The following THRAP3 variants were observed in gnomAD, a reference collection of about 807,000 sequenced individuals.
The protein encoded by THRAP3 is thyroid hormone receptor-associated protein 3.
THRAP3 carries 16 observed loss-of-function variants against 101.0 expected under a neutral mutation model. The observed-to-expected ratio is 0.16, with a 90% CI of 0.11 to 0.24. The LOEUF (loss-of-function observed/expected upper bound fraction) is 0.24. Ranked by LOEUF, THRAP3 falls within the 10% of genes least tolerant of loss-of-function variation. The probability of loss-of-function intolerance (pLI) is 1.00; values close to 1 mark genes in which losing one functional copy is unlikely to be tolerated. For missense variants in THRAP3, 989 were observed against 1,202.7 expected (o/e 0.82, Z 2.63); for synonymous variants, 407 against 422.6 (o/e 0.96, Z 0.45).
chr1:36,215,898 T>A, the THRAP3 span, among the ~76,000 whole-genome samples: 6 of 151,930 alleles, frequency 3.9e-5, no homozygotes, highest in Admixed American at 6.6e-5. Context: ...TACAGGTGTG[T>A]GCCATCACGC....
chr1:36,295,724 T>C (rs1645940594), intron 8 of THRAP3, among the ~76,000 whole-genome samples: 1 of 152,074 alleles, frequency 6.6e-6, no homozygotes, highest in Non-Finnish European at 1.5e-5. Flanking sequence ...GTTTTTGATA[T>C]TCCCTTTCTA....
chr1:36,292,252 G>GTTTTTTTT (rs1557453511), intron 6 of THRAP3, among the ~76,000 whole-genome samples: 15 of 57,484 alleles, frequency 2.6e-4, no homozygotes, highest in Non-Finnish European at 3.3e-4. Flanking sequence ...AACATAATGT[G>GTTTTTTTT]TTTCTTTGTT....
chr1:36,245,469 C>G (rs901221556), intron 1 of THRAP3, among the ~76,000 whole-genome samples: 2 of 152,124 alleles, frequency 1.3e-5, no homozygotes, highest in Non-Finnish European at 2.9e-5. Flanking sequence ...ACGCCTGGGT[C>G]CTTTCCCCAA....
chr1:36,246,785 T>C (rs1241476257), intron 1 of THRAP3, among the ~76,000 whole-genome samples: 7 of 151,524 alleles, frequency 4.6e-5, no homozygotes, highest in Non-Finnish European at 8.8e-5. Context: ...GAGCTTGCAG[T>C]GAGTGGAGAT....
chr1:36,239,302 C>T (rs114543790), intron 1 of THRAP3, among the ~76,000 whole-genome samples: 1,433 of 129,908 alleles, frequency 0.011, 20 homozygotes, highest in African/African-American at 0.038. Context: ...CTCTATTACC[C>T]GGGCTGGAGT....
In THRAP3 at chr1:36,282,172, T is replaced by C. The variant is rs1484974074; in HGVS notation, c.-31-361T>C. 2.0e-5 allele frequency among the ~76,000 whole-genome samples: 3 copies of C among 151,874 alleles called. No homozygotes were observed. The South Asian group carries it at 6.2e-4, about 32-fold the overall frequency. On this transcript the variant is annotated intron_variant, in intron 2 of 11. Coordinates refer to ENST00000354618, the MANE Select transcript of THRAP3 (RefSeq NM_005119.4). ...ACCTGGACTTAAGCAGTCCTCCTCC[T>C]ACCTTGGCCTCCCAGTGCACTGGGA...
intron 2 of THRAP3, 97 bp downstream of exon 2, chr1:36,259,581 A>T (rs1249982294): frequency 1.0e-5 from 4 of 391,838 alleles, no homozygotes; most frequent in African/African-American, 2.1e-5. Context: ...CCTATGCAAC[A>T]TGGTGAGATC....
At chr1:36,261,394 A>G (rs1440732348) in intron 2 of THRAP3, among the ~76,000 whole-genome samples, 2 of 152,044 alleles carry the variant, frequency 1.3e-5, no homozygotes, top group Admixed American at 6.6e-5. Flanking sequence ...CTAGCCAGGC[A>G]CGGTGGTGGG....
chr1:36,262,959 A>ATTTTTTTTTTTTTTTT (rs55662646), intron 2 of THRAP3, among the ~76,000 whole-genome samples: 1 of 104,364 alleles, frequency 9.6e-6, no homozygotes, highest in Non-Finnish European at 1.9e-5. Flanking sequence ...GGGCCGGCTA[A>ATTTTTTTTTTTTTTTT]TTTTTTTTTT....
intron 1 of THRAP3, among the ~76,000 whole-genome samples, chr1:36,253,693 A>T (rs1393322335): frequency 6.6e-6 from 1 of 151,220 alleles, no homozygotes; most frequent in Admixed American, 6.6e-5. Flanking sequence ...TCCTGGGCTT[A>T]AGCGAGCCTC....
intron 2 of THRAP3, among the ~76,000 whole-genome samples, chr1:36,263,168 C>T (rs945350130): frequency 2.7e-5 from 4 of 146,224 alleles, no homozygotes; most frequent in Non-Finnish European, 4.5e-5. Flanking sequence ...GGCTTGATCA[C>T]GGCTCACTGC....
At chr1:36,301,836 T>C in intron 11 of THRAP3, 140 bp downstream of exon 11, 1 of 1,008,744 alleles carries the variant, frequency 9.9e-7, no homozygotes, top group Non-Finnish European at 1.4e-6. Context: ...TGTACTTGCA[T>C]AGTGCTAACT....
In THRAP3 at chr1:36,295,566, T is replaced by C. The variant is rs571057032; in HGVS notation, c.2116-1017T>C. Among the ~76,000 whole-genome samples, 1,213 of 150,732 alleles carry C rather than the reference T, an allele frequency of 8.0e-3. 14 individuals are homozygous for C. The highest frequency in any genetic ancestry group is 0.029 in the African/African-American group (1,162 of 40,622). ...GTTTTTTCCTTCCTTCCTTCCTTCC[T>C]TCCTTCCTTCCCTCCTCCCTTCCTT... On this transcript the variant is annotated intron_variant, in intron 8 of 11. Transcript: ENST00000354618.
In THRAP3 at chr1:36,301,080, C is replaced by A; in HGVS notation, c.2498C>A (p.Thr833Asn). Reference sequence around the variant, plus strand: ...AGAGGAGGTGGCAGAGCTCGAGGAACCTTTGTAAGACCTTCCCCTCTCCCC... The same window carrying A: ...AGAGGAGGTGGCAGAGCTCGAGGAAACTTTGTAAGACCTTCCCCTCTCCCC... ...SERGGGRARG[T>N]FQFRARGRGW... Residue 833 changes from threonine (T) to asparagine (N), a missense_variant, in exon 10 of 12, where the codon ACC (threonine) becomes AAC (asparagine). Transcript: ENST00000354618. The A allele has an allele frequency of 1.2e-6, 2 of 1,613,996 alleles. No individual in the cohort carries two copies. The highest frequency in any genetic ancestry group is 8.5e-7 in the Non-Finnish European group (1 of 1,179,918).
the THRAP3 span, among the ~76,000 whole-genome samples, chr1:36,208,947 G>A: frequency 3.5e-5 from 5 of 144,312 alleles, no homozygotes; most frequent in African/African-American, 7.7e-5. Context: ...GATTACAGAC[G>A]TGAGCCACCA....
the THRAP3 span, among the ~76,000 whole-genome samples, chr1:36,217,104 A>T: frequency 6.6e-6 from 1 of 152,150 alleles, no homozygotes; most frequent in Non-Finnish European, 1.5e-5. Context: ...GAATGAAGTG[A>T]TACAGTTTTC....
rs1010929935 is a variant in THRAP3, at chr1:36,303,726, C to T, written c.2647-70C>T. ...CTTTTGGGAAAGGCACATTTGGGTG[C>T]GTGCAGAGAAGAGAGCTCTGGCCAC... is the stretch of plus-strand genomic sequence containing the variant. On this transcript the variant is annotated intron_variant, in intron 11 of 11. Transcript: ENST00000354618. The T allele has an allele frequency of 5.0e-6, 8 of 1,598,594 alleles. 1 individual carries two copies. The highest frequency in any genetic ancestry group is 2.2e-5 in the South Asian group (2 of 89,244).
chr1:36,263,674 T>C lies in THRAP3; in HGVS notation c.-32+4190T>C, dbSNP rs7525230. Among the ~76,000 whole-genome samples the C allele has an allele frequency of 4.4e-3, 663 of 152,070 alleles. 10 individuals carry two copies. Among genetic ancestry groups the C allele is most frequent in the Admixed American group, 0.025 (380 of 15,262 alleles). On this transcript the variant is annotated intron_variant, in intron 2 of 11. Transcript: ENST00000354618. ...AGGAGCCTCTGGGGTGAATTGAATATTTTTTTTAAGCCGCCAGCTGTGCTA... is the reference window on the plus strand; with the variant it reads ...AGGAGCCTCTGGGGTGAATTGAATACTTTTTTTAAGCCGCCAGCTGTGCTA...
At position 36,273,145 on chromosome 1, in the gene THRAP3, A is replaced by T. The variant is rs542586242; in HGVS notation, c.-31-9388A>T. On this transcript the variant is annotated intron_variant, in intron 2 of 11. Coordinates refer to ENST00000354618, the MANE Select transcript of THRAP3 (RefSeq NM_005119.4). ...CATTTTGTAGCCTCCTGGGTTTGGT[A>T]TCCTGAATTGTTAAACTTATTTAGT... 5.7e-4 allele frequency among the ~76,000 whole-genome samples: 87 copies of T among 152,318 alleles called. 1 individual carries two copies. The highest frequency in any genetic ancestry group is 4.2e-3 in the East Asian group (22 of 5,186).
Sources: gnomAD v4.1 joint callset for allele counts (sites outside exome capture counted in the v4.1 genomes callset) on GRCh38, gnomAD v4.1.1 for gene constraint, MANE v1.5 for transcripts, NCBI Gene and HGNC (gene_info 2026-07-23, HGNC 2026-07-21) for gene names.